Variants in PBX2 observed in about 807,000 individuals in gnomAD.
The protein encoded by PBX2 is pre-B-cell leukemia transcription factor 2.
A neutral mutation model predicts 46.5 loss-of-function variants in PBX2; 10 were observed. The ratio of observed to expected loss-of-function variants is 0.21; its 90% CI spans 0.13 to 0.36. PBX2 has a LOEUF of 0.36. PBX2 is among the 10% of genes least tolerant of loss of function. The pLI is 1.00. For missense variants in PBX2, 392 were observed against 580.5 expected (o/e 0.68, Z 3.34); for synonymous variants, 160 against 222.5 (o/e 0.72, Z 2.50).
At position 32,186,684 on chromosome 6, in the gene PBX2, A is replaced by T; in HGVS notation, c.1120T>A (p.Ser374Thr). Reference sequence around the variant, plus strand: ...CCTGGCCCCATCGAGTGTCGGAGTGATTCCACCTGCAGGCAGCAGAGGAAG... The same window carrying T: ...CCTGGCCCCATCGAGTGTCGGAGTGTTTCCACCTGCAGGCAGCAGAGGAAG... ...GDSYSASQVE[S>T]LRHSMGPGGY... is the part of the protein sequence containing the mutation. The change falls in exon 8 of 9, where the codon TCA becomes ACA. Residue 374 changes from serine to threonine, a missense_variant. Ser to Thr is a moderately conservative substitution (Grantham distance 58). Around this residue, in one of 3 missense-constraint regions of PBX2, gnomAD observed 116 missense variants for 157.9 expected, o/e 0.73. Transcript: ENST00000375050. This position sits in a 1 kb window ranked among gnomAD's most constrained non-coding sequence, Gnocchi z 4.2. The T allele has an allele frequency of 1.9e-6, 3 of 1,612,790 alleles. No individual in the cohort carries two copies. The highest frequency in any genetic ancestry group is 1.7e-6 in the Non-Finnish European group (2 of 1,178,814).
rs1787164143 is a variant in PBX2, at chr6:32,186,817, G to A, written c.1109C>T (p.Ser370Phe). ...GAGAGGAGATGGGCATCTGACCTGGGAAGCAGAATAGGAATCTCCGTTGAG... is the reference window on the plus strand; with the variant it reads ...GAGAGGAGATGGGCATCTGACCTGGAAAGCAGAATAGGAATCTCCGTTGAG... ...PGLNGDSYSA[S>F]QVESLRHSMG... The change falls in exon 7 of 9, where the codon TCC (serine) becomes TTC (phenylalanine). Residue 370 changes from serine to phenylalanine, a missense_variant. Transcript: ENST00000375050. This position sits in a 1 kb window ranked among gnomAD's most constrained non-coding sequence, Gnocchi z 4.2. The A allele has an allele frequency of 1.9e-5, 31 of 1,613,890 alleles. No homozygotes were observed. The highest frequency in any genetic ancestry group is 8.9e-5 in the East Asian group (4 of 44,894).
At position 32,186,995 on chromosome 6, in the gene PBX2, T is replaced by C; in HGVS notation, c.1025-94A>G. ...CTCTTGTGGGGACATGCTACTATACTCCAATTATCCACAAAATAACATTCC... is the reference window on the plus strand; with the variant it reads ...CTCTTGTGGGGACATGCTACTATACCCCAATTATCCACAAAATAACATTCC... On this transcript the variant is annotated intron_variant, in intron 6 of 8. Coordinates refer to ENST00000375050, the MANE Select transcript of PBX2 (RefSeq NM_002586.5). This position sits in a 1 kb window ranked among gnomAD's most constrained non-coding sequence, Gnocchi z 4.2. The C allele has an allele frequency of 1.7e-6, 2 of 1,166,910 alleles. No individual in the cohort carries two copies. The highest frequency in any genetic ancestry group is 2.0e-5 in the Admixed American group (1 of 49,866). 72.3% of individuals were successfully genotyped at this position (1,166,910 alleles called of 1,614,324 possible). A position where few individuals can be genotyped will look rare whatever the true frequency, so the allele number is the denominator to read the frequency against.
chr6:32,188,140 G>A lies in PBX2; in HGVS notation c.560C>T (p.Thr187Met), dbSNP rs149461273. Residue 187 changes from threonine (T) to methionine (M), a missense_variant, in exon 4 of 9, where the codon ACG (threonine) becomes ATG (methionine). This residue lies in a region of PBX2 where 80 missense variants were observed against 175.7 expected (regional missense o/e 0.46). Transcript: ENST00000375050. The surrounding 1 kb of genome is among the most constrained non-coding windows in gnomAD (Gnocchi z 6.5). The part of the protein sequence containing the change: ...EKYEQACNEF[T>M]THVMNLLREQ... ...CCTCAGCAGGTTCATGACATGGGTC[G>A]TGAACTCATTACATGCCTGTAGTGG... 135 of 1,591,610 alleles carry A rather than the reference G, an allele frequency of 8.5e-5. 1 individual carries two copies. The highest frequency in any genetic ancestry group is 1.1e-4 in the South Asian group (10 of 88,062).
In PBX2 at chr6:32,186,639, C is replaced by T. The variant is rs143220345; in HGVS notation, c.1165G>A (p.Gly389Arg). Reference protein sequence around the residue: ...MGPGGYGDNLGGGQMYSPREM... With the variant: ...MGPGGYGDNLRGGQMYSPREM... ...CGTGGGCTGTACATCTGGCCTCCCC[C>T]GAGGTTATCCCCATAGCCCCCTGGC... The change falls in exon 8 of 9, where the codon GGG becomes AGG. Residue 389 changes from glycine (G) to arginine (R), a missense_variant. Transcript: ENST00000375050. The surrounding 1 kb of genome is among the most constrained non-coding windows in gnomAD (Gnocchi z 4.2). 3.1e-4 allele frequency: 500 copies of T among 1,613,128 alleles called. No individual in the cohort carries two copies. Among genetic ancestry groups the T allele is most frequent in the Non-Finnish European group, 3.7e-4 (440 of 1,179,150 alleles).
Position 32,187,513 on chromosome 6 carries a change from C to G in PBX2, c.871-118G>C. 1 of 1,498,390 alleles carries G rather than the reference C, an allele frequency of 6.7e-7. No individual in the cohort carries two copies. 92.8% of individuals were successfully genotyped at this position (1,498,390 alleles called of 1,614,324 possible). A position where few individuals can be genotyped will look rare whatever the true frequency, so the allele number is the denominator to read the frequency against. On this transcript the variant is annotated intron_variant, in intron 5 of 8. Transcript: ENST00000375050. The surrounding 1 kb of genome is among the most constrained non-coding windows in gnomAD (Gnocchi z 7.7). ...CTTCCTGGTCTCACTATGCTGTTGC[C>G]CAGGCTGGTCTCCAATTCAAGTGAT...
rs772251003 is a variant in PBX2 at position 32,187,210 on chromosome 6, A to C, written c.1024+32T>G. On this transcript the variant is annotated intron_variant, in intron 6 of 8. Coordinates refer to ENST00000375050, the MANE Select transcript of PBX2 (RefSeq NM_002586.5). The surrounding 1 kb of genome is among the most constrained non-coding windows in gnomAD (Gnocchi z 7.7). ...TGGGAACAAAAGCAGGAAGTGTGCA[A>C]AACAGTCAGCCGGGGTGACAGTGGG... 1 of 1,609,388 alleles carries C rather than the reference A, an allele frequency of 6.2e-7. No homozygotes were observed. The highest frequency in any genetic ancestry group is 8.5e-7 in the Non-Finnish European group (1 of 1,178,594).
rs1318949317 is a variant in PBX2 at position 32,190,179 on chromosome 6, TGA to T, written c.-266_-265del. ...GAGGAGGCCCAAGCGGGGGTGTGTG[TGA>T]GAGAGAGGGAGGAGGGAGGAGGGAG... On this transcript the variant is annotated 5_prime_UTR_variant, in exon 1 of 9. Coordinates refer to ENST00000375050, the MANE Select transcript of PBX2 (RefSeq NM_002586.5). The T allele has an allele frequency of 1.4e-5, 4 of 279,152 alleles. No homozygotes were observed. The highest frequency in any genetic ancestry group is 2.6e-5 in the Non-Finnish European group (4 of 153,878). The allele number at this position is 279,152 out of a possible 1,614,324, so 17.3% of individuals were successfully genotyped here.
Position 32,188,574 on chromosome 6 carries a change from T to G in PBX2, c.296-70A>C. ...CCCAGTGCTCAGTCCTCCTGGTGCTTCCTGGAGAGCCAAGTTCCCAGGCTT... is the reference window on the plus strand; with the variant it reads ...CCCAGTGCTCAGTCCTCCTGGTGCTGCCTGGAGAGCCAAGTTCCCAGGCTT... On this transcript the variant is annotated intron_variant, in intron 2 of 8. Transcript: ENST00000375050. The surrounding 1 kb of genome is among the most constrained non-coding windows in gnomAD (Gnocchi z 6.5). The G allele has an allele frequency of 6.3e-7, 1 of 1,581,446 alleles. No individual in the cohort carries two copies. Among genetic ancestry groups the G allele is most frequent in the East Asian group, 2.2e-5 (1 of 44,484 alleles).
rs980870653 is a variant in PBX2 at position 32,187,953 on chromosome 6, T to C, written c.734+13A>G. The C allele has an allele frequency of 2.2e-5, 33 of 1,532,164 alleles. No individual in the cohort carries two copies. The highest frequency in any genetic ancestry group is 2.3e-5 in the Non-Finnish European group (26 of 1,135,642). The allele number at this position is 1,532,164 out of a possible 1,614,324, so 94.9% of individuals were successfully genotyped here. On this transcript the variant is annotated intron_variant, in intron 4 of 8. Transcript: ENST00000375050. The surrounding 1 kb of genome is among the most constrained non-coding windows in gnomAD (Gnocchi z 7.7). ...CCCAGTGCTGGGGGCCAGCCTGGGG[T>C]CCCTGGGCCCACCTGGCATCCAGGA...
Position 32,187,072 on chromosome 6 carries a change from G to A in PBX2, c.1024+170C>T. On this transcript the variant is annotated intron_variant, in intron 6 of 8. Transcript: ENST00000375050. The surrounding 1 kb of genome is among the most constrained non-coding windows in gnomAD (Gnocchi z 7.7). ...TTGGCCACCCGTGGGAAGAAAGGCAGAACTAAGATCACTGGAATGGCCTCT... is the reference window on the plus strand; with the variant it reads ...TTGGCCACCCGTGGGAAGAAAGGCAAAACTAAGATCACTGGAATGGCCTCT... The A allele has an allele frequency of 1.9e-6, 2 of 1,035,048 alleles. No homozygotes were observed. The highest frequency in any genetic ancestry group is 2.8e-6 in the Non-Finnish European group (2 of 704,456). The allele number at this position is 1,035,048 out of a possible 1,614,324, so 64.1% of individuals were successfully genotyped here.
At position 32,188,643 on chromosome 6, in the gene PBX2, C is replaced by T. The variant is rs1787253956; in HGVS notation, c.295+80G>A. 2 of 1,575,594 alleles carry T rather than the reference C, an allele frequency of 1.3e-6. No homozygotes were observed. The highest frequency in any genetic ancestry group is 8.7e-7 in the Non-Finnish European group (1 of 1,148,602). On this transcript the variant is annotated intron_variant, in intron 2 of 8. Transcript: ENST00000375050. This position sits in a 1 kb window ranked among gnomAD's most constrained non-coding sequence, Gnocchi z 6.5. ...CCCTGACTCCTTACTTTCCTCAGGG[C>T]CCCAAGTTGTCACACTCTAGCCCTA...
chr6:32,190,069 A>G lies in PBX2; in HGVS notation c.-154T>C. The G allele has an allele frequency of 2.1e-6, 1 of 486,508 alleles. No homozygotes were observed. The highest frequency in any genetic ancestry group is 2.1e-5 in the African/African-American group (1 of 48,492). The allele number at this position is 486,508 out of a possible 1,614,324, so 30.1% of individuals were successfully genotyped here. ...GGCTCCCCCGGGGGTTCACCCCGGC[A>G]CTGAAGGGAGACCTGGGATACCGGC... On this transcript the variant is annotated 5_prime_UTR_variant, in exon 1 of 9. Coordinates refer to ENST00000375050, the MANE Select transcript of PBX2 (RefSeq NM_002586.5).
Position 32,188,387 on chromosome 6 carries a change from G to A in PBX2, c.413C>T (p.Ala138Val). Reference sequence around the variant, plus strand: ...AGAGGCTGCAGCGGCTGCAGCTGCTGCTGCTGAGCCGCCCCCTTTCTCGGG... The same window carrying A: ...AGAGGCTGCAGCGGCTGCAGCTGCTACTGCTGAGCCGCCCCCTTTCTCGGG... ...AGPEKGGGSAAAAAAAAASGG... is the reference protein window; with the variant it reads ...AGPEKGGGSAVAAAAAAASGG... Residue 138 changes from alanine to valine, a missense_variant, in exon 3 of 9, where the codon GCA becomes GTA. Ala to Val is a moderately conservative substitution (Grantham distance 64). Transcript: ENST00000375050. This position sits in a 1 kb window ranked among gnomAD's most constrained non-coding sequence, Gnocchi z 6.5. The A allele has an allele frequency of 1.2e-6, 2 of 1,614,010 alleles. No homozygotes were observed. The highest frequency in any genetic ancestry group is 1.7e-6 in the Non-Finnish European group (2 of 1,180,016).
In PBX2 at chr6:32,187,927, GC is replaced by G. The variant is rs766450012; in HGVS notation, c.734+38del. On this transcript the variant is annotated intron_variant, in intron 4 of 8. Transcript: ENST00000375050. The surrounding 1 kb of genome is among the most constrained non-coding windows in gnomAD (Gnocchi z 7.7). ...GGGTCTTGGAGAGGAATGGGAAGGAGCCCAGTGCTGGGGGCCAGCCTGGGGT... is the reference window on the plus strand; with the variant it reads ...GGGTCTTGGAGAGGAATGGGAAGGAGCCAGTGCTGGGGGCCAGCCTGGGGT... 3 of 1,519,828 alleles carry G rather than the reference GC, an allele frequency of 2.0e-6. No homozygotes were observed. Among genetic ancestry groups the G allele is most frequent in the Non-Finnish European group, 2.7e-6 (3 of 1,128,808 alleles). The allele number at this position is 1,519,828 out of a possible 1,614,324, so 94.1% of individuals were successfully genotyped here.
chr6:32,185,375 G>A lies in PBX2; in HGVS notation c.*1007C>T, dbSNP rs764317757. 6.6e-6 allele frequency: 1 copy of A among 152,216 alleles called. No individual in the cohort carries two copies. Among genetic ancestry groups the A allele is most frequent in the East Asian group, 1.9e-4 (1 of 5,164 alleles). 9.4% of individuals were successfully genotyped at this position (152,216 alleles called of 1,614,324 possible). ...GCCTGCATGAACAAAGAACACCTAA[G>A]GGATTTTAGGGGGCAAAGCTTGGTG... On this transcript the variant is annotated 3_prime_UTR_variant, in exon 9 of 9. Transcript: ENST00000375050.
chr6:32,187,520 G>C lies in PBX2; in HGVS notation c.871-125C>G. On this transcript the variant is annotated intron_variant, in intron 5 of 8. Transcript: ENST00000375050. This position sits in a 1 kb window ranked among gnomAD's most constrained non-coding sequence, Gnocchi z 7.7. ...GTCTCACTATGCTGTTGCCCAGGCT[G>C]GTCTCCAATTCAAGTGATCCTCCCA... is the stretch of plus-strand genomic sequence containing the variant. 2 of 1,490,120 alleles carry C rather than the reference G, an allele frequency of 1.3e-6. No individual in the cohort carries two copies. The highest frequency in any genetic ancestry group is 2.3e-5 in the East Asian group (1 of 43,828). 92.3% of individuals were successfully genotyped at this position (1,490,120 alleles called of 1,614,324 possible). A position where few individuals can be genotyped will look rare whatever the true frequency, so the allele number is the denominator to read the frequency against.
chr6:32,186,710 G>A lies in PBX2; in HGVS notation c.1114-20C>T, dbSNP rs376828598. 2.5e-6 allele frequency: 4 copies of A among 1,604,732 alleles called. No individual in the cohort carries two copies. Among genetic ancestry groups the A allele is most frequent in the Non-Finnish European group, 3.4e-6 (4 of 1,171,504 alleles). On this transcript the variant is annotated intron_variant, in intron 7 of 8. Coordinates refer to ENST00000375050, the MANE Select transcript of PBX2 (RefSeq NM_002586.5). This position sits in a 1 kb window ranked among gnomAD's most constrained non-coding sequence, Gnocchi z 4.2. ...TTCCACCTGCAGGCAGCAGAGGAAG[G>A]TATGACAGTGAAGAGAAGCCTCAGA... is the stretch of plus-strand genomic sequence containing the variant.
Position 32,186,522 on chromosome 6 carries a change from C to CAGGGCTCAGTAATGTTGTG in PBX2, c.1201-49_1201-48insCACAACATTACTGAGCCCT. 6.3e-7 allele frequency: 1 copy of CAGGGCTCAGTAATGTTGTG among 1,584,852 alleles called. No homozygotes were observed. Among genetic ancestry groups the CAGGGCTCAGTAATGTTGTG allele is most frequent in the Middle Eastern group, 1.7e-4 (1 of 6,008 alleles). ...GAAAACAGAGAAAGCCCTGGGAACCCTGTGTGGGCACAACATTACTAGGGA... is the reference window on the plus strand; with the variant it reads ...GAAAACAGAGAAAGCCCTGGGAACCCAGGGCTCAGTAATGTTGTGTGTGTGGGCACAACATTACTAGGGA... On this transcript the variant is annotated intron_variant, in intron 8 of 8. Coordinates refer to ENST00000375050, the MANE Select transcript of PBX2 (RefSeq NM_002586.5). This position sits in a 1 kb window ranked among gnomAD's most constrained non-coding sequence, Gnocchi z 4.2.
In PBX2 at chr6:32,187,302, C is replaced by T. The variant is rs144536029; in HGVS notation, c.964G>A (p.Val322Met). ...CTGTGGCCCCCCTGGGTGACTGACA[C>T]GGCGGTCTTGACAGCATAGATGTTT... ...EANIYAVKTA[V>M]SVTQGGHSRT... Residue 322 changes from valine to methionine, a missense_variant, in exon 6 of 9, where the codon GTG (valine) becomes ATG (methionine). Transcript: ENST00000375050. The surrounding 1 kb of genome is among the most constrained non-coding windows in gnomAD (Gnocchi z 7.7). The T allele has an allele frequency of 8.7e-6, 14 of 1,613,036 alleles. No homozygotes were observed. Among genetic ancestry groups the T allele is most frequent in the East Asian group, 6.7e-5 (3 of 44,882 alleles).
Sources: gnomAD v4.1 joint callset for allele counts on GRCh38, gnomAD v4.1.1 for gene constraint, gnomAD v4.1.1 regional missense constraint, Gnocchi (gnomAD v3.1) non-coding constraint, MANE v1.5 for transcripts, NCBI Gene and HGNC (gene_info 2026-07-23, HGNC 2026-07-21) for gene names.